Variants in XPO4 observed in about 807,000 individuals in gnomAD.
The protein encoded by XPO4 is exportin 4, also known as exportin-4.
In XPO4, 39 loss-of-function variants were observed where a neutral mutation model predicts 143.0. The observed-to-expected ratio is 0.27, with a 90% CI of 0.21 to 0.36. The LOEUF (loss-of-function observed/expected upper bound fraction) is 0.36, where lower values mean the gene tolerates loss of function less well. Ranked by LOEUF, XPO4 falls within the 10% of genes least tolerant of loss-of-function variation. The pLI, the probability that XPO4 is intolerant of heterozygous loss-of-function variation, is 1.00. For synonymous variants in XPO4, 439 were observed against 474.0 expected, an observed-to-expected ratio of 0.93 and a Z score of 0.96; for missense variants, 907 against 1,348.0, an observed-to-expected ratio of 0.67 and a Z score of 5.12.
Position 20,779,663 on chromosome 13 carries a change from ACTTACC to A in XPO4, c.*4053_*4058del, listed in dbSNP as rs2059118994. Reference sequence around the variant, plus strand: ...CTTCAGCATTCTCGTCTTTACTAAGACTTACCCATAGAGAACTACAGCAGGAAACCG... The same window carrying A: ...CTTCAGCATTCTCGTCTTTACTAAGACATAGAGAACTACAGCAGGAAACCG... On this transcript the variant is annotated 3_prime_UTR_variant, in exon 23 of 23. Coordinates refer to ENST00000255305, the MANE Select transcript of XPO4 (RefSeq NM_022459.5). 1 of 152,558 alleles carries A rather than the reference ACTTACC, an allele frequency of 6.6e-6. No individual in the cohort carries two copies. Among genetic ancestry groups the A allele is most frequent in the African/African-American group, 2.4e-5 (1 of 41,406 alleles). 9.5% of individuals were successfully genotyped at this position (152,558 alleles called of 1,614,324 possible).
intron 9 of XPO4, among the ~76,000 whole-genome samples, chr13:20,815,479 T>A (rs185613067): frequency 2.0e-3 from 300 of 152,288 alleles, no homozygotes; most frequent in Non-Finnish European, 3.1e-3. Context: ...AAAAAGTCTT[T>A]ATCTATATTT....
intron 9 of XPO4, among the ~76,000 whole-genome samples, chr13:20,811,198 G>T (rs565563767): frequency 5.3e-5 from 8 of 152,244 alleles, no homozygotes; most frequent in Admixed American, 3.3e-4. Flanking sequence ...CAGATCAAAG[G>T]CCTTGACAGG....
chr13:20,871,136 C>CTAG (rs1407563521), intron 1 of XPO4, among the ~76,000 whole-genome samples: 1 of 151,956 alleles, frequency 6.6e-6, no homozygotes, highest in East Asian at 1.9e-4. Flanking sequence ...TTCCCACCAC[C>CTAG]TTTTCTAGTT....
chr13:20,807,786 A>G, intron 12 of XPO4, 152 bp from the exon 13 acceptor site: 2 of 620,116 alleles, frequency 3.2e-6, no homozygotes, highest in Non-Finnish European at 4.9e-6. Flanking sequence ...TGCAAAAAAA[A>G]CTTTCTATGT....
chr13:20,834,656 A>AC (rs1186536879), intron 6 of XPO4, among the ~76,000 whole-genome samples: 1 of 151,894 alleles, frequency 6.6e-6, no homozygotes, highest in East Asian at 1.9e-4. Context: ...AAAAAAAAAA[A>AC]ACCTTTAATA....
intron 3 of XPO4, chr13:20,857,922 GAA>G: frequency 1.0e-6 from 1 of 984,940 alleles, no homozygotes; most frequent in South Asian, 4.7e-5. Flanking sequence ...AAATAAAAAA[GAA>G]AAAATTCTGT....
chr13:20,822,732 C>A (rs1762821442), intron 7 of XPO4, among the ~76,000 whole-genome samples: 1 of 152,132 alleles, frequency 6.6e-6, no homozygotes, highest in South Asian at 2.1e-4. Flanking sequence ...CTTAGAAAAG[C>A]AATATACCAT....
intron 22 of XPO4, among the ~76,000 whole-genome samples, chr13:20,785,470 C>G (rs1186377790): frequency 6.6e-6 from 1 of 151,744 alleles, no homozygotes; most frequent in Non-Finnish European, 1.5e-5. Context: ...TTCAGGAGTT[C>G]GATACAAGCC....
intron 7 of XPO4, among the ~76,000 whole-genome samples, chr13:20,825,543 G>A (rs756643430): frequency 8.5e-5 from 13 of 152,202 alleles, no homozygotes; most frequent in Non-Finnish European, 1.6e-4. Flanking sequence ...TTTGCGTGTG[G>A]TTGTTCACAG....
chr13:20,864,886 A>AG (rs1442403145), intron 2 of XPO4, among the ~76,000 whole-genome samples: 123 of 151,892 alleles, frequency 8.1e-4, no homozygotes, highest in African/African-American at 2.9e-3. Context: ...AAAAAAAAAA[A>AG]GCCAAATTCC....
intron 10 of XPO4, 105 bp downstream of exon 10, chr13:20,809,686 C>T: frequency 1.5e-6 from 2 of 1,293,130 alleles, no homozygotes; most frequent in Non-Finnish European, 2.1e-6. Context: ...AGCAAATCTT[C>T]TGAGGGAACC....
intron 2 of XPO4, among the ~76,000 whole-genome samples, chr13:20,867,315 C>G (rs1335222943): frequency 6.6e-6 from 1 of 152,230 alleles, no homozygotes; most frequent in Non-Finnish European, 1.5e-5. Context: ...TTCACCACTG[C>G]TGCTAGTTCC....
intron 12 of XPO4, among the ~76,000 whole-genome samples, chr13:20,807,983 A>C (rs1471354189): frequency 2.0e-5 from 3 of 152,162 alleles, no homozygotes; most frequent in Non-Finnish European, 2.9e-5. Context: ...TCAAAAGTCA[A>C]GATTTTTTGC....
intron 3 of XPO4, chr13:20,858,043 G>A: frequency 1.1e-6 from 1 of 904,688 alleles, no homozygotes; most frequent in Non-Finnish European, 1.3e-6. Flanking sequence ...AATCCACACT[G>A]TAGGGCATTC....
chr13:20,866,332 CA>C, intron 2 of XPO4: 1 of 984,832 alleles, frequency 1.0e-6, no homozygotes, highest in East Asian at 1.1e-4. Context: ...AAATGAGCAA[CA>C]TATAAAACTC....
chr13:20,858,513 C>T (rs1295229007), intron 3 of XPO4, among the ~76,000 whole-genome samples: 1 of 151,968 alleles, frequency 6.6e-6, no homozygotes, highest in Non-Finnish European at 1.5e-5. Flanking sequence ...GTGTGTTTAC[C>T]ACCACATTCT....
chr13:20,791,455 T>TA (rs2059279206), intron 18 of XPO4, among the ~76,000 whole-genome samples: 1 of 152,122 alleles, frequency 6.6e-6, no homozygotes, highest in African/African-American at 2.4e-5. Context: ...AGGAAAAAGG[T>TA]AAACATTCCA....
chr13:20,897,452 CAAG>C (rs1477516474), intron 1 of XPO4, among the ~76,000 whole-genome samples: 1 of 152,162 alleles, frequency 6.6e-6, no homozygotes, highest in Non-Finnish European at 1.5e-5. Flanking sequence ...TTACCTATTC[CAAG>C]AAGCCCTTTC....
chr13:20,814,529 G>T (rs762789243), intron 9 of XPO4, among the ~76,000 whole-genome samples: 6 of 152,222 alleles, frequency 3.9e-5, no homozygotes, highest in Non-Finnish European at 7.3e-5. Flanking sequence ...TATGGTTGTT[G>T]ACAATTGGCA....
Sources: gnomAD v4.1 joint callset for allele counts (sites outside exome capture counted in the v4.1 genomes callset) on GRCh38, gnomAD v4.1.1 for gene constraint, MANE v1.5 for transcripts, NCBI Gene and HGNC (gene_info 2026-07-23, HGNC 2026-07-21) for gene names.